Variants in CNIH3 observed in about 807,000 individuals in gnomAD.
CNIH3 encodes cornichon family AMPA receptor auxiliary protein 3, also known as protein cornichon homolog 3.
A neutral mutation model predicts 24.1 loss-of-function variants in CNIH3; 14 were observed. That is an observed-to-expected ratio of 0.58 (90% confidence interval 0.38 to 0.91). The LOEUF (loss-of-function observed/expected upper bound fraction) is 0.91, where lower values mean the gene tolerates loss of function less well. CNIH3 is among the 40% of genes least tolerant of loss of function. CNIH3 has a pLI of 0.00. For synonymous variants in CNIH3, 68 were observed against 73.8 expected (o/e 0.92, Z 0.40); for missense variants, 178 against 196.8 (o/e 0.90, Z 0.57).
intron 1 of CNIH3, among the ~76,000 whole-genome samples, chr1:224,656,684 A>G (rs1317019687): frequency 6.6e-6 from 1 of 152,132 alleles, no homozygotes; most frequent in African/African-American, 2.4e-5. Context: ...GGGCTAACTT[A>G]CTGTGCTTGT....
intron 1 of CNIH3, among the ~76,000 whole-genome samples, chr1:224,486,626 C>T (rs1333965492): frequency 6.6e-6 from 1 of 152,048 alleles, no homozygotes; most frequent in African/African-American, 2.4e-5. Flanking sequence ...TCAACTATGC[C>T]AAGTGAATAA....
At chr1:224,452,178 C>T (rs1675427490) in intron 1 of CNIH3, among the ~76,000 whole-genome samples, 1 of 145,326 alleles carries the variant, frequency 6.9e-6, no homozygotes, top group African/African-American at 2.5e-5. Context: ...AAGATGGAGT[C>T]TCACTCTGTT....
chr1:224,644,121 G>A (rs1464546851), intron 1 of CNIH3, among the ~76,000 whole-genome samples: 1 of 152,230 alleles, frequency 6.6e-6, no homozygotes, highest in East Asian at 1.9e-4. Context: ...CACCTCAGCA[G>A]GGCCTGCACA....
Position 224,572,388 on chromosome 1 carries a change from C to T in CNIH3, n.516+6124C>T, listed in dbSNP as rs139835444. Among the ~76,000 whole-genome samples, 338 of 152,028 alleles carry T rather than the reference C, an allele frequency of 2.2e-3. 3 individuals are homozygous for T. The highest frequency in any genetic ancestry group is 7.1e-3 in the African/African-American group (294 of 41,480). ...AAACTTATCTGGGCAAGGTGGCTCACGCCTGTAGTCCCAGCTATTTGGGAG... is the reference window on the plus strand; with the variant it reads ...AAACTTATCTGGGCAAGGTGGCTCATGCCTGTAGTCCCAGCTATTTGGGAG... On this transcript the variant is annotated intron_variant and non_coding_transcript_variant, in intron 4 of 5. Coordinates refer to the CNIH3 transcript ENST00000471578.
chr1:224,457,318 T>C (rs1003664857), intron 1 of CNIH3, among the ~76,000 whole-genome samples: 1 of 150,418 alleles, frequency 6.6e-6, no homozygotes, highest in Non-Finnish European at 1.5e-5. Flanking sequence ...TGTGTGTGTG[T>C]CCGTGTCCTC....
intron 1 of CNIH3, among the ~76,000 whole-genome samples, chr1:224,452,513 G>C (rs920715583): frequency 6.6e-6 from 1 of 151,900 alleles, no homozygotes; most frequent in Non-Finnish European, 1.5e-5. Flanking sequence ...CGGGCACGGT[G>C]GCTCACACCT....
chr1:224,659,595 G>A (rs1685249647), intron 1 of CNIH3, among the ~76,000 whole-genome samples: 2 of 152,150 alleles, frequency 1.3e-5, no homozygotes, highest in Admixed American at 1.3e-4. Flanking sequence ...CCTTATAAAG[G>A]AAAGAAGAAA....
intron 1 of CNIH3, among the ~76,000 whole-genome samples, chr1:224,637,424 C>T (rs1336946438): frequency 1.5e-5 from 2 of 136,420 alleles, no homozygotes; most frequent in East Asian, 2.6e-4. Flanking sequence ...GTTGCATTCT[C>T]TTACTGCCAA....
chr1:224,471,779 A>T (rs552371952), intron 1 of CNIH3, among the ~76,000 whole-genome samples: 2 of 151,802 alleles, frequency 1.3e-5, no homozygotes, highest in Non-Finnish European at 2.9e-5. Flanking sequence ...TTTAGTAGAG[A>T]CGGGCTTTCA....
At chr1:224,715,608 G>A (rs927486977) in intron 3 of CNIH3, among the ~76,000 whole-genome samples, 6 of 152,214 alleles carry the variant, frequency 3.9e-5, no homozygotes, top group African/African-American at 1.4e-4. Context: ...CCGAAAGGTT[G>A]GGCACCTGGT....
At position 224,617,259 on chromosome 1, in the gene CNIH3, A is replaced by C. The variant is rs1683053123; in HGVS notation, c.81+4A>C. ...CATCTTCTTCGCCATCTGGCACGTG[A>C]GTAACACGCTTTGGTCTCTCTTCTT... On this transcript the variant is annotated splice_donor_region_variant and intron_variant, in intron 1 of 5. Transcript: ENST00000272133. 1 of 1,613,586 alleles carries C rather than the reference A, an allele frequency of 6.2e-7. No individual in the cohort carries two copies. The highest frequency in any genetic ancestry group is 2.2e-5 in the East Asian group (1 of 44,790).
intron 3 of CNIH3, among the ~76,000 whole-genome samples, chr1:224,690,520 A>G (rs532125365): frequency 1.3e-5 from 2 of 152,280 alleles, no homozygotes; most frequent in East Asian, 1.9e-4. Flanking sequence ...ACATTAGACA[A>G]GTTCATGTCT....
At chr1:224,729,664 T>C (rs1689218091) in intron 3 of CNIH3, among the ~76,000 whole-genome samples, 1 of 152,146 alleles carries the variant, frequency 6.6e-6, no homozygotes, top group Non-Finnish European at 1.5e-5. Context: ...TCCTTACAGT[T>C]ACCCTTTAGC....
chr1:224,559,547 A>G (rs548320807), intron 3 of CNIH3, among the ~76,000 whole-genome samples: 1 of 152,068 alleles, frequency 6.6e-6, no homozygotes, highest in Admixed American at 6.5e-5. Flanking sequence ...TTATTTTTAA[A>G]ATTTTTGTAG....
intron 1 of CNIH3, among the ~76,000 whole-genome samples, chr1:224,675,010 C>T (rs985052283): frequency 5.9e-5 from 9 of 152,150 alleles, no homozygotes; most frequent in African/African-American, 2.2e-4. Flanking sequence ...ATCTGGCTTT[C>T]AAGGACCTCA....
chr1:224,469,484 T>C (rs907490939), intron 1 of CNIH3, among the ~76,000 whole-genome samples: 1 of 152,184 alleles, frequency 6.6e-6, no homozygotes, highest in Non-Finnish European at 1.5e-5. Flanking sequence ...TTGGTTATGA[T>C]GTATAATTTT....
chr1:224,690,590 T>G (rs918128935), intron 3 of CNIH3, among the ~76,000 whole-genome samples: 1 of 152,240 alleles, frequency 6.6e-6, no homozygotes, highest in African/African-American at 2.4e-5. Context: ...TTGCATAGTT[T>G]GGGATGTCCC....
intron 1 of CNIH3, among the ~76,000 whole-genome samples, chr1:224,659,813 CAA>C (rs2125115273): frequency 6.6e-6 from 1 of 152,200 alleles, no homozygotes; most frequent in East Asian, 1.9e-4. Flanking sequence ...AAAGAGCTAG[CAA>C]AAAGGTTGAA....
intron 4 of CNIH3, chr1:224,574,556 C>A (rs1291818042): frequency 2.6e-6 from 2 of 756,736 alleles, no homozygotes; most frequent in African/African-American, 3.4e-5. Flanking sequence ...TTGGGTACTG[C>A]CACATCGACT....
Sources: gnomAD v4.1 joint callset for allele counts (sites outside exome capture counted in the v4.1 genomes callset) on GRCh38, gnomAD v4.1.1 for gene constraint, MANE v1.5 for transcripts, NCBI Gene and HGNC (gene_info 2026-07-23, HGNC 2026-07-21) for gene names.